MACO1: variants seen among roughly 807,000 people sequenced by gnomAD.
MACO1 encodes macoilin 1.
MACO1 carries 14 observed loss-of-function variants against 78.7 expected under a neutral mutation model. The ratio of observed to expected loss-of-function variants is 0.18; its 90% CI spans 0.12 to 0.28. MACO1 has a LOEUF of 0.28. Among genes scored for constraint, MACO1 ranks in the 10% least tolerant of loss-of-function variants. The pLI, the probability that MACO1 is intolerant of heterozygous loss-of-function variation, is 1.00. For synonymous variants in MACO1, 288 were observed against 291.6 expected, an observed-to-expected ratio of 0.99 and a Z score of 0.12; for missense variants, 501 against 799.0, an observed-to-expected ratio of 0.63 and a Z score of 4.50.
chr1:25,443,452 G>A (rs1368501267), intron 1 of MACO1, among the ~76,000 whole-genome samples: 2 of 152,192 alleles, frequency 1.3e-5, no homozygotes, highest in East Asian at 3.8e-4. Flanking sequence ...GTTTGTAAAA[G>A]ATCAAGTTTT....
chr1:25,474,204 A>G (rs2043299512), intron 6 of MACO1, among the ~76,000 whole-genome samples: 1 of 152,138 alleles, frequency 6.6e-6, no homozygotes, highest in Non-Finnish European at 1.5e-5. Flanking sequence ...TACTTTGGGG[A>G]GATGCTGAAA....
intron 1 of MACO1, among the ~76,000 whole-genome samples, chr1:25,438,623 C>T (rs2042940681): frequency 1.3e-5 from 2 of 152,372 alleles, no homozygotes; most frequent in Non-Finnish European, 2.9e-5. Context: ...GTGGACATGA[C>T]TGGGCCCCGT....
intron 1 of MACO1, among the ~76,000 whole-genome samples, chr1:25,443,607 A>G (rs560941254): frequency 2.8e-4 from 43 of 152,372 alleles, no homozygotes; most frequent in African/African-American, 1.0e-3. Flanking sequence ...ATAGTCACTA[A>G]CAAAGATGGT....
chr1:25,495,591 CA>C (rs1433396119), intron 10 of MACO1, among the ~76,000 whole-genome samples: 5 of 152,152 alleles, frequency 3.3e-5, no homozygotes, highest in Non-Finnish European at 7.3e-5. Flanking sequence ...AATAAGAACC[CA>C]ACTTTGTAAT....
intron 6 of MACO1, among the ~76,000 whole-genome samples, chr1:25,479,929 G>A (rs1389145002): frequency 6.6e-6 from 1 of 152,048 alleles, no homozygotes; most frequent in Non-Finnish European, 1.5e-5. Flanking sequence ...ATATTTACAT[G>A]TACGAAGAAA....
intron 6 of MACO1, among the ~76,000 whole-genome samples, chr1:25,479,243 A>T (rs1000520845): frequency 4.6e-5 from 7 of 152,218 alleles, no homozygotes; most frequent in African/African-American, 1.7e-4. Flanking sequence ...ACACCACTTA[A>T]TAAAAACTTC....
At position 25,485,898 on chromosome 1, in the gene MACO1, A is replaced by G. The variant is rs1000540622; in HGVS notation, c.1496+103A>G. The stretch of plus-strand genomic sequence containing the variant: ...GGGCAGGATTGGACGTACAGCAATC[A>G]TGCACGGATGGATTGCTTTTAAGTA... On this transcript the variant is annotated intron_variant, in intron 8 of 10. Transcript: ENST00000374343. This position sits in a 1 kb window ranked among gnomAD's most constrained non-coding sequence, Gnocchi z 4.3. The G allele has an allele frequency of 6.5e-6, 8 of 1,231,676 alleles. No individual in the cohort carries two copies. The highest frequency in any genetic ancestry group is 9.2e-6 in the Non-Finnish European group (8 of 872,876). The allele number at this position is 1,231,676 out of a possible 1,614,324, so 76.3% of individuals were successfully genotyped here. A position where few individuals can be genotyped will look rare whatever the true frequency, so the allele number is the denominator to read the frequency against.
chr1:25,450,955 G>A (rs2043059831), intron 3 of MACO1, among the ~76,000 whole-genome samples: 1 of 152,132 alleles, frequency 6.6e-6, no homozygotes, highest in Non-Finnish European at 1.5e-5. Context: ...AATTTCTTTA[G>A]TAATATCTTA....
At chr1:25,437,943 G>A (rs527501236) in intron 1 of MACO1, among the ~76,000 whole-genome samples, 3 of 152,180 alleles carry the variant, frequency 2.0e-5, no homozygotes, top group East Asian at 3.9e-4. Context: ...TTGGCTGGGC[G>A]TGGTGGTTAA....
intron 6 of MACO1, among the ~76,000 whole-genome samples, chr1:25,468,713 G>C (rs2043240274): frequency 6.6e-6 from 1 of 152,110 alleles, no homozygotes; most frequent in Admixed American, 6.5e-5. Flanking sequence ...AGGAAATGGG[G>C]AAAACATTGC....
intron 6 of MACO1, among the ~76,000 whole-genome samples, chr1:25,459,855 A>C (rs937022978): frequency 3.3e-5 from 5 of 152,184 alleles, no homozygotes; most frequent in Non-Finnish European, 1.5e-5. Flanking sequence ...TATGTTAGGC[A>C]AACACAAATA....
chr1:25,497,109 G>A (rs1249434175), intron 10 of MACO1, among the ~76,000 whole-genome samples: 3 of 152,084 alleles, frequency 2.0e-5, no homozygotes, highest in Non-Finnish European at 2.9e-5. Flanking sequence ...GACCGGGCGC[G>A]GTGGCTCACA....
chr1:25,458,966 G>A, intron 6 of MACO1, 74 bp downstream of exon 6: 1 of 1,502,404 alleles, frequency 6.7e-7, no homozygotes, highest in Non-Finnish European at 8.9e-7. Flanking sequence ...TCCCATATGG[G>A]CCTGTAGGGA....
intron 6 of MACO1, among the ~76,000 whole-genome samples, chr1:25,471,490 GT>G (rs1333978122): frequency 1.3e-5 from 2 of 152,180 alleles, no homozygotes; most frequent in Non-Finnish European, 2.9e-5. Flanking sequence ...CATAGTTTAA[GT>G]TTTTATAACA....
At position 25,458,586 on chromosome 1, in the gene MACO1, T is replaced by C. The variant is rs1557664958; in HGVS notation, c.848T>C (p.Ile283Thr). 6.2e-7 allele frequency: 1 copy of C among 1,613,684 alleles called. No individual in the cohort carries two copies. Among genetic ancestry groups the C allele is most frequent in the Admixed American group, 1.7e-5 (1 of 59,914 alleles). ...NNILQPVDSK[I>T]QEIEYMENHI... ...ATTCTACAACCTGTAGACTCTAAAA[T>C]ACAAGAGATTGAGTATATGGAAAAC... Residue 283 changes from isoleucine to threonine, a missense_variant, in exon 6 of 11, where the codon ATA becomes ACA. Coordinates refer to ENST00000374343, the MANE Select transcript of MACO1 (RefSeq NM_018202.6).
intron 6 of MACO1, among the ~76,000 whole-genome samples, chr1:25,469,273 C>T (rs933348689): frequency 2.1e-4 from 32 of 152,168 alleles, no homozygotes; most frequent in African/African-American, 7.5e-4. Context: ...ATGTTCTAGT[C>T]ATCAGTGAGT....
At chr1:25,484,045 C>T in intron 6 of MACO1, 71 bp from the exon 7 acceptor site, 2 of 1,495,760 alleles carry the variant, frequency 1.3e-6, no homozygotes, top group Non-Finnish European at 1.8e-6. Context: ...GTCCAGGACC[C>T]CCACCAGGTC....
intron 3 of MACO1, among the ~76,000 whole-genome samples, chr1:25,452,486 C>T (rs751724823): frequency 6.6e-6 from 1 of 152,160 alleles, no homozygotes; most frequent in Non-Finnish European, 1.5e-5. Flanking sequence ...TTTTTTTGAA[C>T]AGTACTTAAG....
At chr1:25,484,022 C>T (rs1395492759) in intron 6 of MACO1, 94 bp from the exon 7 acceptor site, 1 of 1,309,158 alleles carries the variant, frequency 7.6e-7, no homozygotes, top group Non-Finnish European at 1.0e-6. Flanking sequence ...CTTTTTCTGC[C>T]ATTCACCCAG....
Sources: allele counts gnomAD v4.1 joint callset (sites outside exome capture counted in the v4.1 genomes callset), GRCh38; gene constraint gnomAD v4.1.1; non-coding constraint Gnocchi (gnomAD v3.1); transcripts MANE v1.5; gene names NCBI Gene and HGNC (gene_info 2026-07-23, HGNC 2026-07-21).